DNAJC16: variants seen among roughly 807,000 people sequenced by gnomAD.
DNAJC16 encodes the protein DnaJ heat shock protein family (Hsp40) member C16.
In DNAJC16, 76 loss-of-function variants were observed where a neutral mutation model predicts 92.7. That is an observed-to-expected ratio of 0.82 (90% CI 0.68 to 0.99). The LOEUF is 0.99. DNAJC16 is among the 50% of genes least tolerant of loss of function. The pLI is 0.00. For synonymous variants in DNAJC16, 328 were observed against 358.7 expected, an observed-to-expected ratio of 0.91 and a Z score of 0.97; for missense variants, 869 against 942.4, an observed-to-expected ratio of 0.92 and a Z score of 1.02.
intron 2 of DNAJC16, 55 bp downstream of exon 2, chr1:15,529,327 A>G: frequency 6.6e-7 from 1 of 1,512,044 alleles, no homozygotes; most frequent in Non-Finnish European, 9.0e-7. Flanking sequence ...CTTAGCAGGG[A>G]TGAAGTCTAA....
At chr1:15,564,196 G>C (rs1638758179) in intron 10 of DNAJC16, 85 bp downstream of exon 10, 3 of 1,560,694 alleles carry the variant, frequency 1.9e-6, no homozygotes, top group Non-Finnish European at 2.6e-6. Context: ...TCAGAGCAGA[G>C]GTCCAGCAGC....
chr1:15,528,930 A>T (rs1710586918), intron 1 of DNAJC16, among the ~76,000 whole-genome samples, 158 bp from the exon 2 acceptor site: 1 of 152,156 alleles, frequency 6.6e-6, no homozygotes, highest in African/African-American at 2.4e-5. Flanking sequence ...CAGTAGCGAG[A>T]TTTTTATTTT....
At chr1:15,540,347 A>C (rs1158255770) in intron 4 of DNAJC16, among the ~76,000 whole-genome samples, 2 of 152,162 alleles carry the variant, frequency 1.3e-5, no homozygotes, top group Non-Finnish European at 1.5e-5. Flanking sequence ...AAAAGAAAAA[A>C]ACCACAAATG....
intron 7 of DNAJC16, among the ~76,000 whole-genome samples, chr1:15,557,853 C>T (rs1570924234): frequency 6.6e-6 from 1 of 152,172 alleles, no homozygotes; most frequent in East Asian, 1.9e-4. Context: ...ACCCTTCAAC[C>T]TCCCAAGTAG....
At chr1:15,545,692 T>C (rs944580775) in intron 5 of DNAJC16, among the ~76,000 whole-genome samples, 2 of 152,210 alleles carry the variant, frequency 1.3e-5, no homozygotes, top group Non-Finnish European at 2.9e-5. Context: ...AATCTCCCTG[T>C]GAGGGCCTCA....
In DNAJC16 at chr1:15,567,962, A is replaced by C. The variant is rs774445523; in HGVS notation, c.2134A>C (p.Lys712Gln). 7.4e-6 allele frequency: 12 copies of C among 1,614,114 alleles called. No individual in the cohort carries two copies. Among genetic ancestry groups the C allele is most frequent in the Non-Finnish European group, 1.0e-5 (12 of 1,180,042 alleles). The change falls in exon 15 of 15, where the codon AAG (lysine) becomes CAG (glutamine). Residue 712 changes from lysine to glutamine, a missense_variant. Physicochemically the swap from Lys to Gln is moderately conservative, Grantham distance 53. Coordinates refer to ENST00000375847, the MANE Select transcript of DNAJC16 (RefSeq NM_015291.4). ...CCACAAGAAATACTTCTGCCTCTTC[A>C]AGCCCCAAAAGACAGTCGAAGAGGA... Reference protein sequence around the residue: ...NGHKKYFCLFKPQKTVEEEEA... With the variant: ...NGHKKYFCLFQPQKTVEEEEA...
At chr1:15,558,551 C>CT (rs1399061446) in intron 7 of DNAJC16, among the ~76,000 whole-genome samples, 6 of 152,076 alleles carry the variant, frequency 3.9e-5, no homozygotes, top group African/African-American at 1.4e-4. Context: ...AGGCTGGTCT[C>CT]TAACTCTTGG....
chr1:15,549,542 T>A (rs964859188), intron 7 of DNAJC16, among the ~76,000 whole-genome samples: 1 of 152,034 alleles, frequency 6.6e-6, no homozygotes, highest in African/African-American at 2.4e-5. Context: ...AAGCCGGGCG[T>A]GGTGGCTCAC....
rs901917666 is a variant in DNAJC16 at position 15,529,177 on chromosome 1, T to C, written c.72T>C (p.Ser24=). The C allele has an allele frequency of 2.1e-5, 34 of 1,614,026 alleles. No homozygotes were observed. The highest frequency in any genetic ancestry group is 2.6e-5 in the Non-Finnish European group (31 of 1,180,014). ...TGGTTCTGATCCTGCAAATTCTGTC[T>C]GCGTTGGATTTTGACCCATACAGAG... ...IVLVLILQIL[S]ALDFDPYRVL... The change falls in exon 2 of 15, where the codon TCT becomes TCC. Residue 24 remains serine, a synonymous_variant. Coordinates refer to ENST00000375847, the MANE Select transcript of DNAJC16 (RefSeq NM_015291.4).
intron 6 of DNAJC16, 74 bp from the exon 7 acceptor site, chr1:15,548,196 A>G (rs1377248400): frequency 6.7e-7 from 1 of 1,501,394 alleles, no homozygotes; most frequent in Non-Finnish European, 9.1e-7. Context: ...AGTGATGTGA[A>G]AAAGCCCTAC....
intron 3 of DNAJC16, 98 bp downstream of exon 3, chr1:15,534,401 C>A: frequency 8.0e-7 from 1 of 1,256,158 alleles, no homozygotes; most frequent in Non-Finnish European, 1.1e-6. Flanking sequence ...TCATGTTCCC[C>A]ATGCCCTTGA....
intron 9 of DNAJC16, among the ~76,000 whole-genome samples, chr1:15,563,309 A>G (rs1326604654): frequency 6.6e-6 from 1 of 152,060 alleles, no homozygotes; most frequent in East Asian, 1.9e-4. Context: ...CGGGTGGATC[A>G]CTTGAGGCTA....
chr1:15,568,735 A>G lies in DNAJC16; in HGVS notation c.*558A>G, dbSNP rs1557591619. 2.5e-6 allele frequency: 1 copy of G among 398,940 alleles called. No individual in the cohort carries two copies. Among genetic ancestry groups the G allele is most frequent in the Admixed American group, 4.4e-5 (1 of 22,756 alleles). 24.7% of individuals were successfully genotyped at this position (398,940 alleles called of 1,614,324 possible). A position where few individuals can be genotyped will look rare whatever the true frequency, so the allele number is the denominator to read the frequency against. ...GTTCTGGGAGTAAGTGGCTAAATGT[A>G]TATTTTGGGGGTATCCCCCAACAAC... On this transcript the variant is annotated 3_prime_UTR_variant, in exon 15 of 15. Transcript: ENST00000375847.
intron 2 of DNAJC16, among the ~76,000 whole-genome samples, chr1:15,532,961 T>G (rs549218717): frequency 3.0e-4 from 45 of 152,348 alleles, no homozygotes; most frequent in African/African-American, 1.1e-3. Flanking sequence ...TGTAGATTTT[T>G]TTTTATTCCA....
intron 1 of DNAJC16, among the ~76,000 whole-genome samples, chr1:15,527,510 A>G (rs558611734): frequency 6.6e-6 from 1 of 152,302 alleles, no homozygotes; most frequent in African/African-American, 2.4e-5. Context: ...CCATTTTATG[A>G]ATAAGGACGC....
chr1:15,543,127 A>G (rs974994816), intron 4 of DNAJC16, among the ~76,000 whole-genome samples: 1 of 152,230 alleles, frequency 6.6e-6, no homozygotes, highest in African/African-American at 2.4e-5. Flanking sequence ...AGGGATCCCT[A>G]TCTTCATGAG....
intron 7 of DNAJC16, among the ~76,000 whole-genome samples, chr1:15,556,434 C>T (rs1027790163): frequency 5.9e-5 from 9 of 152,146 alleles, no homozygotes; most frequent in African/African-American, 1.9e-4. Context: ...GGAGGGGTTT[C>T]GCCATGTTGG....
intron 2 of DNAJC16, 133 bp downstream of exon 2, chr1:15,529,405 G>A (rs561369069): frequency 6.2e-5 from 54 of 877,750 alleles, no homozygotes; most frequent in African/African-American, 1.9e-4. Context: ...AATATTTTAC[G>A]CAGGAGAGCT....
rs1404916850 is a variant in DNAJC16 at position 15,568,946 on chromosome 1, CTG to C, written c.*772_*773del. 2 of 373,642 alleles carry C rather than the reference CTG, an allele frequency of 5.4e-6. No homozygotes were observed. The highest frequency in any genetic ancestry group is 4.6e-5 in the Admixed American group (1 of 21,870). The allele number at this position is 373,642 out of a possible 1,614,324, so 23.1% of individuals were successfully genotyped here. ...GGAGGGGTCTGCACAGCGAGAAGTA[CTG>C]TGATGACTTTGAGCCGTTGACATGT... On this transcript the variant is annotated 3_prime_UTR_variant, in exon 15 of 15. Transcript: ENST00000375847.
Sources: allele counts gnomAD v4.1 joint callset (sites outside exome capture counted in the v4.1 genomes callset), GRCh38; gene constraint gnomAD v4.1.1; transcripts MANE v1.5; gene names NCBI Gene and HGNC (gene_info 2026-07-23, HGNC 2026-07-21).